The following CCDC171 variants were observed in gnomAD, a reference collection of about 807,000 sequenced individuals.
CCDC171 encodes the protein coiled-coil domain-containing protein 171.
In CCDC171, 177 loss-of-function variants were observed where a neutral mutation model predicts 168.2. That is an observed-to-expected ratio of 1.05 (90% confidence interval 0.93 to 1.19). CCDC171 has a LOEUF of 1.19. Among genes scored for constraint, CCDC171 ranks in the 50% most tolerant of loss-of-function variants. The pLI is 0.00. For missense variants in CCDC171, 1,991 were observed against 1,539.0 expected, an observed-to-expected ratio of 1.29 and a Z score of -4.91; for synonymous variants, 687 against 540.8, an observed-to-expected ratio of 1.27 and a Z score of -3.75.
Position 15,623,305 on chromosome 9 carries a change from A to G in CCDC171, c.714A>G (p.Val238=), listed in dbSNP as rs747805540. ...CTGTGCAAAATATGCATAAGAAAGT[A>G]GAAAAATTAGAAACAGAACATATGG... ...DTAVQNMHKK[V]EKLETEHMDC... The change falls in exon 7 of 26, where the codon GTA becomes GTG. Residue 238 remains valine, a synonymous_variant. Transcript: ENST00000380701. 5 of 1,601,444 alleles carry G rather than the reference A, an allele frequency of 3.1e-6. No homozygotes were observed. The highest frequency in any genetic ancestry group is 4.3e-6 in the Non-Finnish European group (5 of 1,172,968).
At chr9:16,055,782 A>G (rs1833829960) in intron 1 of CCDC171, among the ~76,000 whole-genome samples, 1 of 152,242 alleles carries the variant, frequency 6.6e-6, no homozygotes, top group African/African-American at 2.4e-5. Context: ...GAAGCCACCA[A>G]TGGTTCAAGC....
intron 18 of CCDC171, among the ~76,000 whole-genome samples, chr9:15,771,372 C>T (rs1410587764): frequency 6.6e-6 from 1 of 152,046 alleles, no homozygotes; most frequent in Non-Finnish European, 1.5e-5. Context: ...ATCTCTTTGA[C>T]CTTTATCAAT....
At chr9:15,826,757 A>G (rs1217464363) in intron 21 of CCDC171, among the ~76,000 whole-genome samples, 1 of 152,174 alleles carries the variant, frequency 6.6e-6, no homozygotes, top group Admixed American at 6.6e-5. Context: ...GAGGCTCCAG[A>G]TAATAGGGAA....
chr9:15,945,826 G>A (rs375869371), intron 25 of CCDC171, among the ~76,000 whole-genome samples: 7 of 151,488 alleles, frequency 4.6e-5, no homozygotes, highest in Admixed American at 2.0e-4. Flanking sequence ...CCCATTTTGT[G>A]GGTTGCCTGT....
intron 3 of CCDC171, among the ~76,000 whole-genome samples, chr9:15,980,308 T>A (rs1831751611): frequency 1.3e-5 from 2 of 152,174 alleles, no homozygotes; most frequent in Admixed American, 1.3e-4. Flanking sequence ...GGAAATTACA[T>A]GTTATTTGCA....
At chr9:15,675,042 TC>T (rs1438150387) in intron 9 of CCDC171, among the ~76,000 whole-genome samples, 2 of 152,210 alleles carry the variant, frequency 1.3e-5, no homozygotes, top group Non-Finnish European at 2.9e-5. Flanking sequence ...ATCTGGGTGC[TC>T]CTGTATTGGG....
chr9:15,592,496 A>G (rs2131486256), intron 5 of CCDC171, among the ~76,000 whole-genome samples: 1 of 152,334 alleles, frequency 6.6e-6, no homozygotes, highest in East Asian at 1.9e-4. Context: ...AAGTTTTCGC[A>G]CAGTCATTCC....
intron 15 of CCDC171, among the ~76,000 whole-genome samples, chr9:15,728,818 A>G (rs1264161960): frequency 6.6e-6 from 1 of 152,148 alleles, no homozygotes; most frequent in East Asian, 1.9e-4. Flanking sequence ...TGTGCTCTTA[A>G]GGGACAAGAA....
At chr9:15,896,153 G>A (rs933864701) in intron 24 of CCDC171, among the ~76,000 whole-genome samples, 13 of 152,060 alleles carry the variant, frequency 8.5e-5, no homozygotes, top group Admixed American at 2.6e-4. Flanking sequence ...CAATCTAGAA[G>A]CTGCATTTGC....
Position 15,571,702 on chromosome 9 carries a change from G to A in CCDC171, c.120G>A (p.Lys40=). The A allele has an allele frequency of 6.3e-7, 1 of 1,587,610 alleles. No homozygotes were observed. The highest frequency in any genetic ancestry group is 8.5e-7 in the Non-Finnish European group (1 of 1,172,546). Reference sequence around the variant, plus strand: ...TGGATATTACTGATAATCTCAGGAAGAAACTCCATTGGGCTAAAAAAGAAA... The same window carrying A: ...TGGATATTACTGATAATCTCAGGAAAAAACTCCATTGGGCTAAAAAAGAAA... ...TELDITDNLR[K]KLHWAKKEKL... Residue 40 remains lysine, a synonymous_variant, in exon 3 of 26, where the codon AAG becomes AAA. Coordinates refer to ENST00000380701, the MANE Select transcript of CCDC171 (RefSeq NM_173550.4).
intron 21 of CCDC171, among the ~76,000 whole-genome samples, chr9:15,790,282 G>A (rs970639638): frequency 2.6e-5 from 4 of 152,080 alleles, no homozygotes; most frequent in Middle Eastern, 3.2e-3. Context: ...TTTAATGATT[G>A]CCATTCTAAC....
At chr9:15,591,868 A>G (rs2042031792) in intron 5 of CCDC171, among the ~76,000 whole-genome samples, 1 of 152,180 alleles carries the variant, frequency 6.6e-6, no homozygotes, top group Admixed American at 6.5e-5. Context: ...GAACATTTGG[A>G]ATTTTAGAAA....
At chr9:16,011,310 A>G (rs950029878) in intron 3 of CCDC171, among the ~76,000 whole-genome samples, 2 of 152,164 alleles carry the variant, frequency 1.3e-5, no homozygotes, top group African/African-American at 2.4e-5. Context: ...TATCCTGTTT[A>G]TGCTGCCATC....
At chr9:15,993,039 A>G (rs1415121771) in intron 3 of CCDC171, among the ~76,000 whole-genome samples, 2 of 152,252 alleles carry the variant, frequency 1.3e-5, no homozygotes, top group African/African-American at 4.8e-5. Context: ...TTATAGATTC[A>G]GTGCTATCCC....
intron 21 of CCDC171, among the ~76,000 whole-genome samples, chr9:15,829,685 C>G (rs141779247): frequency 6.6e-6 from 1 of 152,098 alleles, no homozygotes; most frequent in Admixed American, 6.5e-5. Context: ...TTTGGGAGGC[C>G]GAAGTGGGAG....
Position 16,010,240 on chromosome 9 carries a change from T to A in CCDC171, n.369-10349T>A, listed in dbSNP as rs143972869. Among the ~76,000 whole-genome samples the A allele has an allele frequency of 2.4e-3, 372 of 152,310 alleles. 3 individuals carry two copies. The highest frequency in any genetic ancestry group is 8.6e-3 in the African/African-American group (359 of 41,576). Reference sequence around the variant, plus strand: ...TCCACAGAATAGACTCACTTTCTTCTTGTTGATTTTATGTGAATGGTTCTC... The same window carrying A: ...TCCACAGAATAGACTCACTTTCTTCATGTTGATTTTATGTGAATGGTTCTC... On this transcript the variant is annotated intron_variant and non_coding_transcript_variant, in intron 3 of 9. Coordinates refer to the CCDC171 transcript ENST00000486641.
chr9:15,737,277 G>A (rs1192409175), intron 16 of CCDC171, among the ~76,000 whole-genome samples: 1 of 152,080 alleles, frequency 6.6e-6, no homozygotes, highest in African/African-American at 2.4e-5. Context: ...TCCTCAAAAA[G>A]TGTAAAATAT....
the CCDC171 span, among the ~76,000 whole-genome samples, chr9:16,080,250 T>G: frequency 1.3e-5 from 2 of 152,180 alleles, no homozygotes; most frequent in Non-Finnish European, 2.9e-5. Flanking sequence ...GTGGTCTGAT[T>G]CAATTGGGAA....
At chr9:15,638,316 G>C (rs2132464838) in intron 7 of CCDC171, among the ~76,000 whole-genome samples, 1 of 152,204 alleles carries the variant, frequency 6.6e-6, no homozygotes, top group East Asian at 1.9e-4. Context: ...TATGTTGGCT[G>C]TTTGACCACA....
Sources: allele counts gnomAD v4.1 joint callset (sites outside exome capture counted in the v4.1 genomes callset), GRCh38; gene constraint gnomAD v4.1.1; transcripts MANE v1.5; gene names NCBI Gene and HGNC (gene_info 2026-07-23, HGNC 2026-07-21).